SAMD4A: variants seen among roughly 807,000 people sequenced by gnomAD.
SAMD4A encodes the protein protein Smaug homolog 1.
Under a neutral mutation model 81.3 loss-of-function variants are expected in SAMD4A, and 33 were observed. That is an observed-to-expected ratio of 0.41 (90% confidence interval 0.31 to 0.54). The LOEUF (loss-of-function observed/expected upper bound fraction) is 0.54, where lower values mean the gene tolerates loss of function less well. SAMD4A is among the 20% of genes least tolerant of loss of function. The pLI is 0.37. For synonymous variants in SAMD4A, 389 were observed against 382.1 expected (o/e 1.02, Z -0.21); for missense variants, 854 against 951.1 (o/e 0.90, Z 1.34).
At chr14:54,674,789 C>T (rs1462699758) in intron 2 of SAMD4A, among the ~76,000 whole-genome samples, 1 of 152,094 alleles carries the variant, frequency 6.6e-6, no homozygotes, top group Non-Finnish European at 1.5e-5. Flanking sequence ...ACTCTGTCAC[C>T]CAGGCTGTAG....
At chr14:54,760,102 G>C in intron 6 of SAMD4A, 59 bp from the exon 7 acceptor site, 2 of 1,547,260 alleles carry the variant, frequency 1.3e-6, no homozygotes, top group Non-Finnish European at 1.8e-6. Flanking sequence ...GGGCAGGTAC[G>C]GGGGTGGATG....
chr14:54,596,294 A>G (rs987579422), intron 2 of SAMD4A, among the ~76,000 whole-genome samples: 1 of 152,172 alleles, frequency 6.6e-6, no homozygotes, highest in Admixed American at 6.5e-5. Context: ...CTAAAGAAAC[A>G]AGGAAAGGGG....
At chr14:54,656,274 A>G (rs1156339467) in intron 2 of SAMD4A, among the ~76,000 whole-genome samples, 2 of 152,124 alleles carry the variant, frequency 1.3e-5, no homozygotes, top group Admixed American at 6.5e-5. Flanking sequence ...TTGTTCTTTA[A>G]TGATTACATT....
At chr14:54,706,637 C>T (rs1416651918) in intron 3 of SAMD4A, among the ~76,000 whole-genome samples, 1 of 149,622 alleles carries the variant, frequency 6.7e-6, no homozygotes, top group Admixed American at 6.7e-5. Flanking sequence ...AAGAAAAAAA[C>T]CAGGAAAGAA....
chr14:54,769,992 G>A (rs900871232), intron 8 of SAMD4A, 112 bp from the exon 9 acceptor site: 1 of 707,764 alleles, frequency 1.4e-6, no homozygotes, highest in South Asian at 1.8e-5. Context: ...TTAGAAACAG[G>A]TGAAGAAAAG....
intron 3 of SAMD4A, among the ~76,000 whole-genome samples, chr14:54,716,322 C>T (rs945417613): frequency 6.6e-6 from 1 of 152,180 alleles, no homozygotes; most frequent in Non-Finnish European, 1.5e-5. Flanking sequence ...ATAGGTAGAG[C>T]ACCCAACACT....
At position 54,748,808 on chromosome 14, in the gene SAMD4A, A is replaced by G; in HGVS notation, c.980-7A>G. The G allele has an allele frequency of 6.5e-7, 1 of 1,540,206 alleles. No individual in the cohort carries two copies. The highest frequency in any genetic ancestry group is 8.8e-7 in the Non-Finnish European group (1 of 1,137,036). On this transcript the variant is annotated splice_polypyrimidine_tract_variant and splice_region_variant and intron_variant, in intron 4 of 12. Transcript: ENST00000554335. ...TCTCCCCATCTCTTGCACATCTTGC[A>G]CCACAGATGTTCCAGCCTGGCTGAA... is the stretch of plus-strand genomic sequence containing the variant.
At chr14:54,578,740 T>G (rs2140137157) in intron 2 of SAMD4A, among the ~76,000 whole-genome samples, 1 of 152,208 alleles carries the variant, frequency 6.6e-6, no homozygotes, top group South Asian at 2.1e-4. Context: ...AATAAAAGTC[T>G]TCTTGATTTC....
At chr14:54,603,332 A>G (rs992279449) in intron 2 of SAMD4A, among the ~76,000 whole-genome samples, 3 of 152,262 alleles carry the variant, frequency 2.0e-5, no homozygotes, top group Admixed American at 6.5e-5. Flanking sequence ...TTATTAGCCC[A>G]AAGATAATTA....
In SAMD4A at chr14:54,727,166, C is replaced by CTTTTTTTTTTTTTTTTTTTTTTT. The variant is rs567831973; in HGVS notation, c.716-9839_716-9817dup. 8.5e-5 allele frequency among the ~76,000 whole-genome samples: 5 copies of CTTTTTTTTTTTTTTTTTTTTTTT among 59,146 alleles called. 1 individual carries two copies. The highest frequency in any genetic ancestry group is 1.3e-4 in the Non-Finnish European group (4 of 29,778). The allele number at this position is 59,146 out of a possible 152,430, so 38.8% of individuals were successfully genotyped here. ...TTATCACAACAGCCTTCTTTTTTTC[C>CTTTTTTTTTTTTTTTTTTTTTTT]TTTTTTTTTTTTTTTTTTTTTTTTT... On this transcript the variant is annotated intron_variant, in intron 3 of 12. Transcript: ENST00000554335.
rs527404543 is a variant in SAMD4A at position 54,736,899 on chromosome 14, G to A, written c.716-125G>A. The A allele has an allele frequency of 1.7e-4, 190 of 1,130,934 alleles. 3 individuals carry two copies. In the South Asian group the frequency reaches 1.9e-3, roughly 12 times the overall value. The allele number at this position is 1,130,934 out of a possible 1,614,324, so 70.1% of individuals were successfully genotyped here. On this transcript the variant is annotated intron_variant, in intron 3 of 12. Coordinates refer to ENST00000554335, the MANE Select transcript of SAMD4A (RefSeq NM_015589.6). ...ATGCCAGGCCTGTATTCAACCTGCT[G>A]TGACCATGGATGGAGTTGTAAGACA...
At chr14:54,761,195 T>G (rs933052954) in intron 7 of SAMD4A, among the ~76,000 whole-genome samples, 4 of 152,222 alleles carry the variant, frequency 2.6e-5, no homozygotes, top group Non-Finnish European at 5.9e-5. Context: ...GCTTACTTAA[T>G]TCCCAAGTTA....
intron 4 of SAMD4A, among the ~76,000 whole-genome samples, chr14:54,737,529 T>A (rs1041089314): frequency 7.7e-6 from 1 of 129,314 alleles, no homozygotes. Context: ...GTCAACCCAC[T>A]CTCTCTCTCT....
intron 8 of SAMD4A, among the ~76,000 whole-genome samples, chr14:54,765,527 G>A (rs2038515738): frequency 6.6e-6 from 1 of 151,856 alleles, no homozygotes; most frequent in Admixed American, 6.6e-5. Context: ...GGAGGCCAAG[G>A]TGGGAGGATG....
intron 12 of SAMD4A, among the ~76,000 whole-genome samples, chr14:54,786,756 C>A (rs2039151536): frequency 6.6e-6 from 1 of 152,182 alleles, no homozygotes; most frequent in African/African-American, 2.4e-5. Context: ...AGCAAGAATA[C>A]CAAATGCTCT....
chr14:54,789,018 T>C lies in SAMD4A; in HGVS notation c.*74T>C, dbSNP rs1483293825. ...GGTCCAGTGTCCGCCATCTTCAGGG[T>C]TGCACAGAATCCTCCAAGATACTTT... On this transcript the variant is annotated 3_prime_UTR_variant, in exon 13 of 13. Coordinates refer to ENST00000554335, the MANE Select transcript of SAMD4A (RefSeq NM_015589.6). The C allele has an allele frequency of 1.3e-6, 2 of 1,520,992 alleles. No homozygotes were observed. Among genetic ancestry groups the C allele is most frequent in the Non-Finnish European group, 1.8e-6 (2 of 1,095,692 alleles). The allele number at this position is 1,520,992 out of a possible 1,614,324, so 94.2% of individuals were successfully genotyped here.
chr14:54,684,042 G>A (rs1260483069), intron 2 of SAMD4A, among the ~76,000 whole-genome samples: 2 of 152,186 alleles, frequency 1.3e-5, no homozygotes, highest in Admixed American at 6.5e-5. Context: ...AGTCAGGCCT[G>A]GTTTTAATTT....
chr14:54,710,007 C>T (rs1353256522), intron 3 of SAMD4A, among the ~76,000 whole-genome samples: 1 of 152,198 alleles, frequency 6.6e-6, no homozygotes, highest in African/African-American at 2.4e-5. Context: ...CTCTGTGCTA[C>T]AGCTACAAAT....
intron 2 of SAMD4A, among the ~76,000 whole-genome samples, chr14:54,612,488 T>A (rs2034384658): frequency 6.6e-6 from 1 of 152,184 alleles, no homozygotes; most frequent in Non-Finnish European, 1.5e-5. Context: ...CCCTAATGCC[T>A]GTTCAGTCAA....
Sources: gnomAD v4.1 joint callset for allele counts (sites outside exome capture counted in the v4.1 genomes callset) on GRCh38, gnomAD v4.1.1 for gene constraint, MANE v1.5 for transcripts, NCBI Gene and HGNC (gene_info 2026-07-23, HGNC 2026-07-21) for gene names.